The following TSHZ2 variants were observed in gnomAD, a reference collection of about 807,000 sequenced individuals.
TSHZ2 encodes teashirt zinc finger homeobox 2.
Under a neutral mutation model 74.4 loss-of-function variants are expected in TSHZ2, and 21 were observed. That is an observed-to-expected ratio of 0.28 (90% CI 0.20 to 0.41). TSHZ2 has a LOEUF of 0.41. Ranked by LOEUF, TSHZ2 falls within the 10% of genes least tolerant of loss-of-function variation. The pLI, the probability that TSHZ2 is intolerant of heterozygous loss-of-function variation, is 1.00. For missense variants in TSHZ2, 1,244 were observed against 1,293.5 expected, an observed-to-expected ratio of 0.96 and a Z score of 0.59; for synonymous variants, 540 against 515.3, an observed-to-expected ratio of 1.05 and a Z score of -0.65.
chr20:52,984,861 A>G (rs1305336804), intron 1 of TSHZ2, among the ~76,000 whole-genome samples: 2 of 152,180 alleles, frequency 1.3e-5, no homozygotes, highest in African/African-American at 4.8e-5. Flanking sequence ...GTGCTAGTGA[A>G]AAAGAGGCGT....
At chr20:53,000,476 G>A (rs917546138) in intron 1 of TSHZ2, among the ~76,000 whole-genome samples, 4 of 152,262 alleles carry the variant, frequency 2.6e-5, no homozygotes, top group African/African-American at 9.6e-5. Context: ...CTGTGTAATA[G>A]AAGGGGAAAG....
intron 2 of TSHZ2, among the ~76,000 whole-genome samples, chr20:53,280,874 A>G (rs567509574): frequency 1.3e-5 from 2 of 152,136 alleles, no homozygotes; most frequent in African/African-American, 4.8e-5. Flanking sequence ...TTCTATTTTT[A>G]GTAAAGATAG....
intron 2 of TSHZ2, among the ~76,000 whole-genome samples, chr20:53,350,458 G>A (rs774562945): frequency 1.4e-4 from 21 of 152,206 alleles, no homozygotes; most frequent in Non-Finnish European, 2.6e-4. Context: ...TGTTTGACCA[G>A]CAACCCCAGG....
intron 2 of TSHZ2, among the ~76,000 whole-genome samples, chr20:53,366,944 C>T (rs1174523950): frequency 6.6e-6 from 1 of 152,162 alleles, no homozygotes; most frequent in Non-Finnish European, 1.5e-5. Flanking sequence ...AAAGGAAAGG[C>T]TTGGGCTGTG....
At chr20:53,424,908 T>C (rs528434642) in intron 2 of TSHZ2, among the ~76,000 whole-genome samples, 11 of 152,354 alleles carry the variant, frequency 7.2e-5, no homozygotes, top group Non-Finnish European at 1.5e-4. Context: ...TTCCTTTTTA[T>C]AGCTGCATAG....
At chr20:53,435,403 G>A (rs1188588865) in intron 2 of TSHZ2, among the ~76,000 whole-genome samples, 1 of 152,140 alleles carries the variant, frequency 6.6e-6, no homozygotes, top group Non-Finnish European at 1.5e-5. Flanking sequence ...CCCGCCCCGG[G>A]TAATGAGCAC....
Position 53,256,113 on chromosome 20 carries a change from C to T in TSHZ2, c.2655C>T (p.Ile885=). ...TGGGCCCACAAGAGCGTATGCAAAT[C>T]TCTAAGTTTACGGGACTCTCAATGA... ...SDLGPQERMQ[I]SKFTGLSMTT... Residue 885 remains isoleucine, a synonymous_variant, in exon 2 of 3, where the codon ATC becomes ATT. Coordinates refer to ENST00000371497, the MANE Select transcript of TSHZ2 (RefSeq NM_173485.6). This position sits in a 1 kb window ranked among gnomAD's most constrained non-coding sequence, Gnocchi z 4.3. The T allele has an allele frequency of 6.2e-7, 1 of 1,614,022 alleles. No homozygotes were observed. The highest frequency in any genetic ancestry group is 8.5e-7 in the Non-Finnish European group (1 of 1,180,012).
chr20:53,148,522 A>G (rs147776493), intron 1 of TSHZ2, among the ~76,000 whole-genome samples: 2 of 152,352 alleles, frequency 1.3e-5, no homozygotes, highest in Non-Finnish European at 2.9e-5. Context: ...CACCCTGTAG[A>G]TGCTCATATT....
intron 2 of TSHZ2, among the ~76,000 whole-genome samples, chr20:53,468,986 A>G (rs1401639680): frequency 4.8e-5 from 7 of 144,504 alleles, no homozygotes; most frequent in Non-Finnish European, 1.1e-4. Context: ...TACAGATCCA[A>G]CTCAACATCA....
chr20:53,480,558 C>CCCTA (rs1986121995), intron 2 of TSHZ2, among the ~76,000 whole-genome samples: 1 of 151,210 alleles, frequency 6.6e-6, no homozygotes, highest in Middle Eastern at 3.2e-3. Flanking sequence ...CAGAGCAAGA[C>CCCTA]CCTACCTTCT....
intron 1 of TSHZ2, among the ~76,000 whole-genome samples, chr20:53,077,662 G>GTC (rs1985409301): frequency 1.3e-5 from 2 of 152,196 alleles, no homozygotes; most frequent in Non-Finnish European, 2.9e-5. Context: ...CACACAGACA[G>GTC]GGTAGTGGAG....
intron 1 of TSHZ2, among the ~76,000 whole-genome samples, chr20:53,162,288 C>T (rs191612304): frequency 4.1e-4 from 63 of 152,270 alleles, no homozygotes; most frequent in Middle Eastern, 6.8e-3. Flanking sequence ...GAATTTGGCC[C>T]GGCCAGGGAT....
chr20:53,258,567 G>C (rs1249038963), intron 2 of TSHZ2, among the ~76,000 whole-genome samples: 1 of 152,132 alleles, frequency 6.6e-6, no homozygotes, highest in Non-Finnish European at 1.5e-5. Flanking sequence ...ATGTAGATAG[G>C]GAGAGGTAAG....
At chr20:52,991,676 C>T (rs1018199137) in intron 1 of TSHZ2, among the ~76,000 whole-genome samples, 2 of 144,456 alleles carry the variant, frequency 1.4e-5, no homozygotes, top group African/African-American at 2.6e-5. Flanking sequence ...TTTTCTGATG[C>T]ATGATTTTGT....
At chr20:53,056,999 C>T (rs1984662752) in intron 1 of TSHZ2, among the ~76,000 whole-genome samples, 1 of 152,116 alleles carries the variant, frequency 6.6e-6, no homozygotes, top group African/African-American at 2.4e-5. Flanking sequence ...GGTGGGAGGT[C>T]ATTGAATCAT....
intron 1 of TSHZ2, among the ~76,000 whole-genome samples, chr20:53,132,313 A>ATT (rs552180228): frequency 0.014 from 1,904 of 139,290 alleles, 58 homozygotes; most frequent in African/African-American, 0.044. Flanking sequence ...TCTGCCCCTA[A>ATT]TTTTTTTTTT....
At chr20:53,114,702 T>A (rs1986623169) in intron 1 of TSHZ2, among the ~76,000 whole-genome samples, 1 of 152,148 alleles carries the variant, frequency 6.6e-6, no homozygotes, top group Admixed American at 6.5e-5. Flanking sequence ...AGGCAGTCTC[T>A]AGAGTTTACA....
intron 2 of TSHZ2, among the ~76,000 whole-genome samples, chr20:53,473,799 G>A (rs1323270253): frequency 2.0e-5 from 3 of 152,126 alleles, no homozygotes; most frequent in Non-Finnish European, 4.4e-5. Context: ...AACCAATACA[G>A]AGAAGTGCTT....
intron 1 of TSHZ2, among the ~76,000 whole-genome samples, chr20:53,101,587 C>T (rs1205154294): frequency 2.0e-5 from 3 of 152,222 alleles, no homozygotes; most frequent in Admixed American, 6.5e-5. Context: ...TTTGTAGAAA[C>T]CACAGCCCCC....
Sources: gnomAD v4.1 joint callset for allele counts (sites outside exome capture counted in the v4.1 genomes callset) on GRCh38, gnomAD v4.1.1 for gene constraint, Gnocchi (gnomAD v3.1) non-coding constraint, MANE v1.5 for transcripts, NCBI Gene and HGNC (gene_info 2026-07-23, HGNC 2026-07-21) for gene names.